CACNA1C: variants seen among roughly 807,000 people sequenced by gnomAD.
CACNA1C encodes the protein voltage-dependent L-type calcium channel subunit alpha-1C.
CACNA1C carries 30 observed loss-of-function variants against 229.0 expected under a neutral mutation model. The observed-to-expected ratio is 0.13, with a 90% CI of 0.10 to 0.18. CACNA1C has a LOEUF of 0.18. CACNA1C is among the 10% of genes least tolerant of loss of function. The pLI is 1.00. For missense variants in CACNA1C, 1,658 were observed against 2,845.0 expected (o/e 0.58, Z 9.49); for synonymous variants, 1,114 against 1,132.5 (o/e 0.98, Z 0.33).
intron 27 of CACNA1C, among the ~76,000 whole-genome samples, chr12:2,610,161 T>A (rs188092054): frequency 7.0e-4 from 106 of 152,124 alleles, no homozygotes; most frequent in Admixed American, 1.6e-3. Context: ...GTCTGTGGCA[T>A]GGGAAGTAAT....
At chr12:2,156,253 T>C (rs1413638097) in intron 3 of CACNA1C, among the ~76,000 whole-genome samples, 1 of 152,234 alleles carries the variant, frequency 6.6e-6, no homozygotes, top group African/African-American at 2.4e-5. Context: ...GTATGCTTTA[T>C]TATTCATTAA....
At chr12:2,120,280 A>T (rs772644898) in intron 2 of CACNA1C, 45 bp from the exon 3 acceptor site, 1 of 923,590 alleles carries the variant, frequency 1.1e-6, no homozygotes, top group South Asian at 1.3e-5. Flanking sequence ...TGTTTGTTTC[A>T]CTTGTACTTT....
At chr12:2,335,790 T>C (rs922569391) in intron 3 of CACNA1C, among the ~76,000 whole-genome samples, 1 of 152,164 alleles carries the variant, frequency 6.6e-6, no homozygotes, top group Non-Finnish European at 1.5e-5. Context: ...GAAGCCATGG[T>C]AACTTCTATA....
chr12:2,627,134 C>T (rs1200253443), intron 29 of CACNA1C, among the ~76,000 whole-genome samples: 2 of 152,134 alleles, frequency 1.3e-5, no homozygotes, highest in Non-Finnish European at 2.9e-5. Context: ...TCCAAGCAGT[C>T]CTCAAGCTAG....
chr12:2,400,268 G>A (rs928150634), intron 3 of CACNA1C, among the ~76,000 whole-genome samples: 14 of 152,112 alleles, frequency 9.2e-5, no homozygotes, highest in East Asian at 1.9e-4. Flanking sequence ...TCATTCCTTC[G>A]TGCCCTATTG....
chr12:2,300,328 G>T (rs2094452852), intron 3 of CACNA1C, among the ~76,000 whole-genome samples: 1 of 152,176 alleles, frequency 6.6e-6, no homozygotes, highest in East Asian at 1.9e-4. Context: ...CATATAAAAA[G>T]GACCAGGCCG....
At chr12:2,101,969 G>A (rs2076581497) in intron 1 of CACNA1C, among the ~76,000 whole-genome samples, 1 of 152,134 alleles carries the variant, frequency 6.6e-6, no homozygotes, top group African/African-American at 2.4e-5. Context: ...AAAAAGCCTT[G>A]GGACAGTTAC....
chr12:2,621,675 G>C (rs1241458103), intron 29 of CACNA1C, among the ~76,000 whole-genome samples: 2 of 152,190 alleles, frequency 1.3e-5, no homozygotes, highest in Admixed American at 6.5e-5. Context: ...TGGAGCGAGG[G>C]GGGCAGAGTC....
intron 11 of CACNA1C, among the ~76,000 whole-genome samples, chr12:2,563,585 A>G (rs1021099510): frequency 6.6e-6 from 1 of 152,184 alleles, no homozygotes; most frequent in African/African-American, 2.4e-5. Flanking sequence ...AAGAAAGAGT[A>G]CCCTTCTTTG....
At chr12:2,355,843 C>G (rs1015664106) in intron 3 of CACNA1C, among the ~76,000 whole-genome samples, 2 of 152,138 alleles carry the variant, frequency 1.3e-5, no homozygotes, top group Non-Finnish European at 2.9e-5. Flanking sequence ...AGCCCCACCC[C>G]AGAGAATGAT....
chr12:2,192,226 A>G (rs1163993177), intron 3 of CACNA1C, among the ~76,000 whole-genome samples: 2 of 152,194 alleles, frequency 1.3e-5, no homozygotes, highest in Admixed American at 6.5e-5. Flanking sequence ...TGTGCTGAGA[A>G]ATCCCCTCAG....
At chr12:2,107,074 CCA>C in intron 1 of CACNA1C, among the ~76,000 whole-genome samples, 1 of 106,000 alleles carries the variant, frequency 9.4e-6, no homozygotes, top group African/African-American at 3.4e-5. Flanking sequence ...GGTGCTCACC[CCA>C]GGGAGGGTTT....
rs149201438 is a variant in CACNA1C at position 2,258,426 on chromosome 12, T to G, written c.477+137996T>G. On this transcript the variant is annotated intron_variant, in intron 3 of 46. Coordinates refer to ENST00000399655, the MANE Select transcript of CACNA1C (RefSeq NM_000719.7). ...TGAAAACTCATTTTTTCCTCAAGTT[T>G]TTTTTTTAAATGTGAAATTTTAAAA... 3.1e-3 allele frequency among the ~76,000 whole-genome samples: 470 copies of G among 152,358 alleles called. 2 individuals carry two copies. Among genetic ancestry groups the G allele is most frequent in the Middle Eastern group, 6.8e-3 (2 of 294 alleles).
At chr12:2,313,620 T>C (rs1222331418) in intron 3 of CACNA1C, among the ~76,000 whole-genome samples, 4 of 152,158 alleles carry the variant, frequency 2.6e-5, no homozygotes, top group African/African-American at 7.2e-5. Flanking sequence ...GATTCAGAGA[T>C]TGGGGACTGG....
chr12:2,412,622 C>T (rs1429827636), intron 3 of CACNA1C, among the ~76,000 whole-genome samples: 1 of 152,172 alleles, frequency 6.6e-6, no homozygotes, highest in African/African-American at 2.4e-5. Flanking sequence ...CAGTCACCTC[C>T]GCTTCATAGT....
At chr12:2,004,441 C>T (rs760521601) in intron 1 of CACNA1C, 2 of 1,603,864 alleles carry the variant, frequency 1.2e-6, no homozygotes, top group South Asian at 1.1e-5. Flanking sequence ...TCTTCCCTCC[C>T]TCCCAGACAT....
rs370065775 is a variant in CACNA1C at position 2,357,533 on chromosome 12, C to T, written c.478-91443C>T. On this transcript the variant is annotated intron_variant, in intron 3 of 46. Coordinates refer to ENST00000399655, the MANE Select transcript of CACNA1C (RefSeq NM_000719.7). ...GTGAGTAATCCTCTCTCTAGCTGTTCATAATTGCTAATTAGTGAACAAAGA... is the reference window on the plus strand; with the variant it reads ...GTGAGTAATCCTCTCTCTAGCTGTTTATAATTGCTAATTAGTGAACAAAGA... Among the ~76,000 whole-genome samples, 278 of 152,182 alleles carry T rather than the reference C, an allele frequency of 1.8e-3. 1 individual carries two copies. Among genetic ancestry groups the T allele is most frequent in the Middle Eastern group, 6.8e-3 (2 of 294 alleles).
chr12:2,198,459 C>T (rs1203068184), intron 3 of CACNA1C, among the ~76,000 whole-genome samples: 1 of 152,274 alleles, frequency 6.6e-6, no homozygotes, highest in Admixed American at 6.5e-5. Context: ...ATTACAGCTC[C>T]GCATATTGTA....
At chr12:2,676,451 A>AACTT (rs2096821515) in intron 39 of CACNA1C, 1 of 152,306 alleles carries the variant, frequency 6.6e-6, no homozygotes, top group Non-Finnish European at 1.5e-5. Context: ...TTCCTCTAAG[A>AACTT]ACTTATGGCT....
Sources: allele counts gnomAD v4.1 joint callset (sites outside exome capture counted in the v4.1 genomes callset), GRCh38; gene constraint gnomAD v4.1.1; transcripts MANE v1.5; gene names NCBI Gene and HGNC (gene_info 2026-07-23, HGNC 2026-07-21).